CDH12: variants seen among roughly 807,000 people sequenced by gnomAD.
CDH12 encodes cadherin 12.
In CDH12, 41 loss-of-function variants were observed where a neutral mutation model predicts 74.1. That is an observed-to-expected ratio of 0.55 (90% CI 0.43 to 0.72). The LOEUF (loss-of-function observed/expected upper bound fraction) is 0.72. CDH12 is among the 30% of genes least tolerant of loss of function. The probability of loss-of-function intolerance (pLI) is 0.00; values close to 1 mark genes in which losing one functional copy is unlikely to be tolerated. For missense variants in CDH12, 945 were observed against 977.2 expected (o/e 0.97, Z 0.44); for synonymous variants, 399 against 355.0 (o/e 1.12, Z -1.39).
intron 2 of CDH12, among the ~76,000 whole-genome samples, chr5:22,468,618 T>A (rs1386067150): frequency 6.6e-6 from 1 of 152,168 alleles, no homozygotes; most frequent in Non-Finnish European, 1.5e-5. Context: ...TTTGTTTTAC[T>A]TACCTATAGT....
At chr5:22,441,271 G>A (rs1242846221) in intron 2 of CDH12, among the ~76,000 whole-genome samples, 2 of 152,114 alleles carry the variant, frequency 1.3e-5, no homozygotes, top group Admixed American at 1.3e-4. Context: ...TCTGTTGGGA[G>A]GTAACTGATA....
intron 7 of CDH12, among the ~76,000 whole-genome samples, chr5:21,853,701 T>C (rs1383153601): frequency 1.3e-5 from 2 of 151,674 alleles, no homozygotes; most frequent in African/African-American, 2.4e-5. Flanking sequence ...TTATAAAATG[T>C]TTAACTTATT....
At chr5:22,788,702 A>G (rs1747766362) in intron 1 of CDH12, among the ~76,000 whole-genome samples, 1 of 148,640 alleles carries the variant, frequency 6.7e-6, no homozygotes, top group Admixed American at 6.7e-5. Context: ...ATGAAACTAT[A>G]ATTATATATC....
At chr5:21,966,316 G>C (rs1410072344) in intron 6 of CDH12, among the ~76,000 whole-genome samples, 1 of 152,082 alleles carries the variant, frequency 6.6e-6, no homozygotes, top group Non-Finnish European at 1.5e-5. Context: ...TGAAGGACCA[G>C]ATAGTAAATA....
intron 1 of CDH12, among the ~76,000 whole-genome samples, chr5:22,823,721 A>T (rs1030154141): frequency 6.6e-6 from 1 of 151,932 alleles, no homozygotes; most frequent in African/African-American, 2.4e-5. Context: ...TTCTCATGAT[A>T]ATAGGGGGAG....
chr5:21,891,572 T>TATACAC (rs71609721), intron 6 of CDH12, among the ~76,000 whole-genome samples: 5 of 145,060 alleles, frequency 3.4e-5, no homozygotes, highest in Admixed American at 2.1e-4. Flanking sequence ...CACACACACA[T>TATACAC]ACACACACAC....
intron 4 of CDH12, among the ~76,000 whole-genome samples, chr5:22,095,437 C>T (rs532255079): frequency 2.0e-5 from 3 of 152,126 alleles, no homozygotes; most frequent in Non-Finnish European, 4.4e-5. Flanking sequence ...GCAGGGACGC[C>T]TCTCTGATTA....
intron 5 of CDH12, among the ~76,000 whole-genome samples, chr5:22,043,167 T>A (rs1408868565): frequency 6.6e-6 from 1 of 152,026 alleles, no homozygotes; most frequent in African/African-American, 2.4e-5. Context: ...CGGCCAATAT[T>A]CCTGATAAGT....
At chr5:22,155,300 C>A (rs1181465359) in intron 4 of CDH12, among the ~76,000 whole-genome samples, 1 of 152,016 alleles carries the variant, frequency 6.6e-6, no homozygotes, top group African/African-American at 2.4e-5. Context: ...GAAACTATTG[C>A]TGGAGGGGTA....
intron 2 of CDH12, among the ~76,000 whole-genome samples, chr5:22,430,625 C>A (rs1398129133): frequency 6.6e-6 from 1 of 152,076 alleles, no homozygotes; most frequent in East Asian, 1.9e-4. Flanking sequence ...CTCCTGTATT[C>A]CCTGGCATAT....
intron 4 of CDH12, among the ~76,000 whole-genome samples, chr5:22,132,649 C>T (rs916128451): frequency 9.2e-5 from 14 of 152,036 alleles, no homozygotes; most frequent in Admixed American, 8.5e-4. Flanking sequence ...AAAGGAAAAT[C>T]CCTAGGTGGG....
chr5:22,140,179 T>G (rs558952905), intron 4 of CDH12, among the ~76,000 whole-genome samples: 1 of 152,238 alleles, frequency 6.6e-6, no homozygotes, highest in South Asian at 2.1e-4. Flanking sequence ...TCATCATAAT[T>G]TTTGCCGAGT....
intron 1 of CDH12, among the ~76,000 whole-genome samples, chr5:22,525,227 G>A (rs1006831282): frequency 6.6e-6 from 1 of 152,092 alleles, no homozygotes; most frequent in Non-Finnish European, 1.5e-5. Flanking sequence ...CATTTGGGTT[G>A]GTTCCAAGTC....
chr5:22,710,312 G>T (rs180807643), intron 1 of CDH12, among the ~76,000 whole-genome samples: 6 of 152,156 alleles, frequency 3.9e-5, no homozygotes, highest in Admixed American at 3.9e-4. Flanking sequence ...AATATATTTA[G>T]GTTTATTTCT....
In CDH12 at chr5:22,675,870, C is replaced by CATATATATCTATATATATATATATATAT. The variant is rs1554058173; in HGVS notation, c.-522-170507_-522-170506insATATATATATATATATATAGATATATAT. Among the ~76,000 whole-genome samples, 57 of 92,146 alleles carry CATATATATCTATATATATATATATATAT rather than the reference C, an allele frequency of 6.2e-4. 3 individuals carry two copies. Among genetic ancestry groups the CATATATATCTATATATATATATATATAT allele is most frequent in the Middle Eastern group, 6.8e-3 (1 of 148 alleles). The allele number at this position is 92,146 out of a possible 152,430, so 60.5% of individuals were successfully genotyped here. A position where few individuals can be genotyped will look rare whatever the true frequency, so the allele number is the denominator to read the frequency against. On this transcript the variant is annotated intron_variant, in intron 1 of 14. Coordinates refer to ENST00000382254, the MANE Select transcript of CDH12 (RefSeq NM_004061.5). ...TGTATATATTTATACTTTTGTATCT[C>CATATATATCTATATATATATATATATAT]ATATATATATATATATACTTTTGTT...
intron 1 of CDH12, among the ~76,000 whole-genome samples, chr5:22,531,557 G>A (rs1737583330): frequency 6.6e-6 from 1 of 152,026 alleles, no homozygotes; most frequent in Non-Finnish European, 1.5e-5. Flanking sequence ...GGAGGGAAGG[G>A]CTATCTCCTT....
intron 5 of CDH12, among the ~76,000 whole-genome samples, chr5:21,979,293 T>C (rs1757205045): frequency 6.6e-6 from 1 of 152,126 alleles, no homozygotes; most frequent in Admixed American, 6.6e-5. Context: ...AAATAAAATT[T>C]CTCCCCAGAA....
At chr5:22,524,635 C>T (rs983292062) in intron 1 of CDH12, among the ~76,000 whole-genome samples, 12 of 152,006 alleles carry the variant, frequency 7.9e-5, no homozygotes, top group African/African-American at 2.7e-4. Flanking sequence ...ACCTGGAAAA[C>T]GTATCAATGT....
chr5:22,727,754 T>A (rs1406340819), intron 1 of CDH12, among the ~76,000 whole-genome samples: 1 of 151,794 alleles, frequency 6.6e-6, no homozygotes, highest in Admixed American at 6.6e-5. Context: ...GTTTATTTCA[T>A]CACATTGAAG....
Sources: allele counts gnomAD v4.1 joint callset (sites outside exome capture counted in the v4.1 genomes callset), GRCh38; gene constraint gnomAD v4.1.1; transcripts MANE v1.5; gene names NCBI Gene and HGNC (gene_info 2026-07-23, HGNC 2026-07-21).